Variants in AARS2 observed in about 807,000 individuals in gnomAD.
AARS2 encodes alanyl-tRNA synthetase 2, mitochondrial, also known as alanine--tRNA ligase, mitochondrial.
In AARS2, 78 loss-of-function variants were observed where a neutral mutation model predicts 119.7. The observed-to-expected ratio is 0.65, with a 90% CI of 0.54 to 0.79. The LOEUF (loss-of-function observed/expected upper bound fraction) is 0.79. Among genes scored for constraint, AARS2 ranks in the 30% least tolerant of loss-of-function variants. AARS2 has a pLI of 0.00. For missense variants in AARS2, 1,157 were observed against 1,291.3 expected (o/e 0.90, Z 1.59); for synonymous variants, 502 against 526.3 (o/e 0.95, Z 0.63).
In AARS2 at chr6:44,299,920, C is replaced by G. The variant is rs539810987; in HGVS notation, c.*627G>C. 6.5e-6 allele frequency: 1 copy of G among 154,532 alleles called. No individual in the cohort carries two copies. The highest frequency in any genetic ancestry group is 2.4e-5 in the African/African-American group (1 of 41,470). The allele number at this position is 154,532 out of a possible 1,614,324, so 9.6% of individuals were successfully genotyped here. ...GTGAGTTCAGACTGGTCTTAGGTTG[C>G]TGGGAGGGGCAAAACTACTCTTTTT... On this transcript the variant is annotated 3_prime_UTR_variant, in exon 22 of 22. Transcript: ENST00000244571.
At chr6:44,300,838 C>G (rs1368685549) in intron 21 of AARS2, 127 bp from the exon 22 acceptor site, 1 of 1,238,986 alleles carries the variant, frequency 8.1e-7, no homozygotes, top group East Asian at 2.5e-5. Flanking sequence ...CATGGTGGGG[C>G]AGTCAGGTGA....
intron 7 of AARS2, 68 bp from the exon 8 acceptor site, chr6:44,306,600 G>A (rs1379631060): frequency 1.8e-5 from 29 of 1,586,946 alleles, no homozygotes; most frequent in Non-Finnish European, 2.1e-5. Flanking sequence ...CCCCACCCTG[G>A]GCCTCCCTGA....
Position 44,305,626 on chromosome 6 carries a change from C to T in AARS2, c.1434+27G>A. On this transcript the variant is annotated intron_variant, in intron 10 of 21. Transcript: ENST00000244571. This position sits in a 1 kb window ranked among gnomAD's most constrained non-coding sequence, Gnocchi z 4.6. ...CTGGGGAAGAGGTGTCCTAACAGAA[C>T]CCAGCATGGGGTGCCACAGCTTGTA... 6.2e-7 allele frequency: 1 copy of T among 1,613,312 alleles called. No homozygotes were observed. Among genetic ancestry groups the T allele is most frequent in the East Asian group, 2.2e-5 (1 of 44,874 alleles).
intron 1 of AARS2, 33 bp from the exon 2 acceptor site, chr6:44,312,296 G>A (rs1348148497): frequency 1.1e-5 from 18 of 1,602,518 alleles, no homozygotes; most frequent in Non-Finnish European, 1.5e-5. Context: ...GGGGGAGAGG[G>A]ATATCCAATT....
chr6:44,306,638 A>C, intron 7 of AARS2, 106 bp from the exon 8 acceptor site: 7 of 1,327,886 alleles, frequency 5.3e-6, no homozygotes, highest in Non-Finnish European at 7.6e-6. Context: ...GCTCAGACAC[A>C]TTGAGGGGCT....
chr6:44,302,549 C>A, intron 17 of AARS2, 36 bp from the exon 18 acceptor site: 3 of 1,613,482 alleles, frequency 1.9e-6, no homozygotes, highest in African/African-American at 1.3e-5. Context: ...GGATTACATT[C>A]ATCTCCCCAG....
intron 17 of AARS2, 43 bp from the exon 18 acceptor site, chr6:44,302,556 C>A: frequency 6.2e-7 from 1 of 1,612,954 alleles, no homozygotes; most frequent in Non-Finnish European, 8.5e-7. Flanking sequence ...ATTCATCTCC[C>A]CAGGACAAGG....
At chr6:44,306,814 T>C (rs772649548) in intron 7 of AARS2, 109 bp downstream of exon 7, 4 of 1,039,330 alleles carry the variant, frequency 3.8e-6, no homozygotes, top group Non-Finnish European at 6.0e-6. Context: ...GCTCGATATT[T>C]AGGGTGGGGA....
chr6:44,301,953 G>C (rs947219901), intron 19 of AARS2, 107 bp downstream of exon 19: 7 of 1,164,290 alleles, frequency 6.0e-6, no homozygotes, highest in Middle Eastern at 1.9e-4. Context: ...CCACCACCCC[G>C]TCCTTGCACA....
intron 8 of AARS2, 29 bp from the exon 9 acceptor site, chr6:44,306,420 G>A (rs1281042173): frequency 6.2e-7 from 1 of 1,613,946 alleles, no homozygotes; most frequent in South Asian, 1.1e-5. Context: ...AAGTGGAGCT[G>A]GGTCTCCTTG....
rs1786420570 is a variant in AARS2, at chr6:44,312,224, C to A, written c.283G>T (p.Glu95Ter). The change falls in exon 2 of 22, where the codon GAG becomes TAG. Residue 95 changes from glutamate (E) to a stop codon, truncating the protein, a stop_gained. Transcript: ENST00000244571. LOFTEE classifies it high-confidence loss of function. ...GCCACACGTCGGAAGCCTGCCATCTCGCTTCGTGGATCCACGGTGCCCAGA... is the reference window on the plus strand; with the variant it reads ...GCCACACGTCGGAAGCCTGCCATCTAGCTTCGTGGATCCACGGTGCCCAGA... The part of the protein sequence containing the change: ...IFLGTVDPRS[E>*]MAGFRRVANS... 6.2e-7 allele frequency: 1 copy of A among 1,614,008 alleles called. No homozygotes were observed. Among genetic ancestry groups the A allele is most frequent in the South Asian group, 1.1e-5 (1 of 91,078 alleles).
Position 44,305,604 on chromosome 6 carries a change from G to C in AARS2, c.1434+49C>G. 6.2e-7 allele frequency: 1 copy of C among 1,612,244 alleles called. No individual in the cohort carries two copies. Among genetic ancestry groups the C allele is most frequent in the Non-Finnish European group, 8.5e-7 (1 of 1,179,734 alleles). ...CTCCTCCCCCAGGAGCTCAGGGCTGGGGAAGAGGTGTCCTAACAGAACCCA... is the reference window on the plus strand; with the variant it reads ...CTCCTCCCCCAGGAGCTCAGGGCTGCGGAAGAGGTGTCCTAACAGAACCCA... On this transcript the variant is annotated intron_variant, in intron 10 of 21. Coordinates refer to ENST00000244571, the MANE Select transcript of AARS2 (RefSeq NM_020745.4). This position sits in a 1 kb window ranked among gnomAD's most constrained non-coding sequence, Gnocchi z 4.6.
rs372126423 is a variant in AARS2 at position 44,303,430 on chromosome 6, G to T, written c.2008-7C>A. 6.2e-7 allele frequency: 1 copy of T among 1,613,910 alleles called. No homozygotes were observed. Among genetic ancestry groups the T allele is most frequent in the Non-Finnish European group, 8.5e-7 (1 of 1,180,022 alleles). On this transcript the variant is annotated splice_polypyrimidine_tract_variant and splice_region_variant and intron_variant, in intron 14 of 21. Transcript: ENST00000244571. ...GCTCTGGGGTCAATGGGGTCTGGAGGGGTGGGGAGGAAATGGAAAGACCAA... is the reference window on the plus strand; with the variant it reads ...GCTCTGGGGTCAATGGGGTCTGGAGTGGTGGGGAGGAAATGGAAAGACCAA...
rs1367537494 is a variant in AARS2 at position 44,311,462 on chromosome 6, G to A, written c.509C>T (p.Ser170Phe). The A allele has an allele frequency of 1.2e-6, 2 of 1,614,036 alleles. No individual in the cohort carries two copies. The highest frequency in any genetic ancestry group is 1.7e-6 in the Non-Finnish European group (2 of 1,180,010). The change falls in exon 3 of 22, where the codon TCC (serine) becomes TTC (phenylalanine). Residue 170 changes from serine to phenylalanine, a missense_variant. Ser to Phe is a radical substitution (Grantham distance 155). Transcript: ENST00000244571. The part of the protein sequence containing the change: ...YGIPEERLWI[S>F]YFDGDPKAGL... ...TGCCTTGGGGTCACCATCAAAGTAGGAGATCCAGAGCCTTTCCTCAGGGAT... is the reference window on the plus strand; with the variant it reads ...TGCCTTGGGGTCACCATCAAAGTAGAAGATCCAGAGCCTTTCCTCAGGGAT...
chr6:44,307,852 T>C lies in AARS2; in HGVS notation c.895-458A>G, dbSNP rs1243238562. Among the ~76,000 whole-genome samples the C allele has an allele frequency of 6.6e-6, 1 of 151,696 alleles. No homozygotes were observed. Among genetic ancestry groups the C allele is most frequent in the Non-Finnish European group, 1.5e-5 (1 of 67,912 alleles). On this transcript the variant is annotated intron_variant, in intron 5 of 21. Transcript: ENST00000244571. The surrounding 1 kb of genome is among the most constrained non-coding windows in gnomAD (Gnocchi z 4.4). ...ACCTGTTCTTGCCTCTCCCATCTTT[T>C]GTGGGGGTGGGCAGGGAGGGAGAGT...
In AARS2 at chr6:44,306,031, G is replaced by A. The variant is rs868159044; in HGVS notation, c.1301-245C>T. Among the ~76,000 whole-genome samples, 31 of 152,200 alleles carry A rather than the reference G, an allele frequency of 2.0e-4. 1 individual carries two copies. The highest frequency in any genetic ancestry group is 7.2e-4 in the African/African-American group (30 of 41,442). ...CATTTCAAGGGAGGAGGGAAGCTCA[G>A]TCTATGCACGAAGCCAACCTAGGAA... On this transcript the variant is annotated intron_variant, in intron 9 of 21. Coordinates refer to ENST00000244571, the MANE Select transcript of AARS2 (RefSeq NM_020745.4).
At chr6:44,304,878 T>G in intron 11 of AARS2, 61 bp from the exon 12 acceptor site, 1 of 1,611,984 alleles carries the variant, frequency 6.2e-7, no homozygotes, top group Admixed American at 1.7e-5. Flanking sequence ...AAGGTGGGTC[T>G]GTGCCTGGAG....
At chr6:44,303,964 C>T (rs1218347153) in intron 14 of AARS2, among the ~76,000 whole-genome samples, 1 of 152,176 alleles carries the variant, frequency 6.6e-6, no homozygotes, top group Admixed American at 6.5e-5. Flanking sequence ...CAGGATCCCA[C>T]ATCAGAGCTG....
chr6:44,304,939 G>A, intron 11 of AARS2, 115 bp downstream of exon 11: 1 of 1,605,798 alleles, frequency 6.2e-7, no homozygotes, highest in East Asian at 2.2e-5. Flanking sequence ...GGGCCACAGA[G>A]ACCCCTGGTG....
Sources: gnomAD v4.1 joint callset for allele counts (sites outside exome capture counted in the v4.1 genomes callset) on GRCh38, gnomAD v4.1.1 for gene constraint, Gnocchi (gnomAD v3.1) non-coding constraint, MANE v1.5 for transcripts, NCBI Gene and HGNC (gene_info 2026-07-23, HGNC 2026-07-21) for gene names.